ALK: variants seen among roughly 807,000 people sequenced by gnomAD.
ALK encodes the protein ALK tyrosine kinase receptor.
In ALK, 74 loss-of-function variants were observed where a neutral mutation model predicts 163.1. The observed-to-expected ratio is 0.45, with a 90% CI of 0.38 to 0.55. ALK has a LOEUF of 0.55. Ranked by LOEUF, ALK falls within the 20% of genes least tolerant of loss-of-function variation. The probability of loss-of-function intolerance (pLI) is 0.00; values close to 1 mark genes in which losing one functional copy is unlikely to be tolerated. For synonymous variants in ALK, 960 were observed against 843.2 expected, an observed-to-expected ratio of 1.14 and a Z score of -2.40; for missense variants, 2,063 against 2,105.3, an observed-to-expected ratio of 0.98 and a Z score of 0.39.
intron 3 of ALK, among the ~76,000 whole-genome samples, chr2:29,658,204 C>T (rs1231940398): frequency 1.3e-5 from 2 of 152,166 alleles, no homozygotes; most frequent in African/African-American, 4.8e-5. Flanking sequence ...CTTTGTGTAG[C>T]ACTCAAATGA....
At chr2:29,200,327 C>A (rs959330002) in intron 26 of ALK, among the ~76,000 whole-genome samples, 1 of 152,132 alleles carries the variant, frequency 6.6e-6, no homozygotes, top group Non-Finnish European at 1.5e-5. Flanking sequence ...TTTGAGAGCA[C>A]TAATAGAACT....
intron 8 of ALK, among the ~76,000 whole-genome samples, chr2:29,302,533 A>AG (rs1309302049): frequency 6.6e-6 from 1 of 152,202 alleles, no homozygotes; most frequent in Admixed American, 6.5e-5. Flanking sequence ...AGAAAAAAAA[A>AG]GAATTAACCT....
At chr2:29,823,275 T>C (rs1665101054) in intron 1 of ALK, among the ~76,000 whole-genome samples, 1 of 152,192 alleles carries the variant, frequency 6.6e-6, no homozygotes, top group African/African-American at 2.4e-5. Flanking sequence ...ATTTTGTGTA[T>C]TGCCCAGTCT....
intron 3 of ALK, among the ~76,000 whole-genome samples, chr2:29,571,397 C>T (rs1674364775): frequency 6.6e-6 from 1 of 152,080 alleles, no homozygotes; most frequent in Non-Finnish European, 1.5e-5. Context: ...GAAGTTTCCC[C>T]TGTGCTGTTC....
At chr2:29,595,305 T>C (rs79082276) in intron 3 of ALK, among the ~76,000 whole-genome samples, 84 of 151,456 alleles carry the variant, frequency 5.5e-4, no homozygotes, top group African/African-American at 1.7e-3. Context: ...CACTGAGATC[T>C]GCTGTCTTAC....
At chr2:29,348,055 T>C (rs1011956920) in intron 5 of ALK, among the ~76,000 whole-genome samples, 3 of 152,140 alleles carry the variant, frequency 2.0e-5, no homozygotes, top group African/African-American at 7.2e-5. Flanking sequence ...ACCTTTCCCA[T>C]CAACTTGATA....
chr2:29,684,982 G>T (rs1429892638), intron 3 of ALK, among the ~76,000 whole-genome samples: 1 of 152,206 alleles, frequency 6.6e-6, no homozygotes, highest in Non-Finnish European at 1.5e-5. Flanking sequence ...ACACTGCAAT[G>T]AATGAGAAAG....
intron 1 of ALK, among the ~76,000 whole-genome samples, chr2:29,817,806 G>C (rs1664937852): frequency 6.6e-6 from 1 of 152,238 alleles, no homozygotes; most frequent in African/African-American, 2.4e-5. Context: ...CCCTGATGCG[G>C]AAATGGAAGG....
Position 29,287,285 on chromosome 2 carries a change from A to T in ALK, c.1817+9603T>A, listed in dbSNP as rs114890712. ...CCACTAATATTTACAATAGTCAAAA[A>T]TGAGCTCATAATAAAATACATTTAG... On this transcript the variant is annotated intron_variant, in intron 9 of 28. Transcript: ENST00000389048. 7.5e-3 allele frequency among the ~76,000 whole-genome samples: 1,148 copies of T among 152,320 alleles called. 20 individuals carry two copies. The highest frequency in any genetic ancestry group is 0.026 in the African/African-American group (1,078 of 41,566).
At chr2:29,299,076 C>T (rs1299186061) in intron 8 of ALK, among the ~76,000 whole-genome samples, 1 of 152,198 alleles carries the variant, frequency 6.6e-6, no homozygotes, top group Non-Finnish European at 1.5e-5. Context: ...CCGCTAGTTA[C>T]TTGTTGCTCA....
At chr2:29,686,696 T>C (rs1230919697) in intron 3 of ALK, among the ~76,000 whole-genome samples, 5 of 152,044 alleles carry the variant, frequency 3.3e-5, no homozygotes, top group African/African-American at 1.2e-4. Flanking sequence ...ACCCATGAGG[T>C]TCAGTTAGGA....
rs760419450 is a variant in ALK, at chr2:29,275,243, C to A, written c.1913-16G>T. On this transcript the variant is annotated splice_polypyrimidine_tract_variant and intron_variant, in intron 10 of 28. Coordinates refer to ENST00000389048, the MANE Select transcript of ALK (RefSeq NM_004304.5). ...TCTCCGCTAACTGCAATAGAGAAGA[C>A]CCCACGGGCTGAGTTAGGTGAGGGT... is the stretch of plus-strand genomic sequence containing the variant. 1.2e-6 allele frequency: 2 copies of A among 1,613,966 alleles called. No individual in the cohort carries two copies. Among genetic ancestry groups the A allele is most frequent in the South Asian group, 2.2e-5 (2 of 91,068 alleles).
chr2:29,757,164 G>A (rs1028032605), intron 1 of ALK, among the ~76,000 whole-genome samples: 1 of 152,200 alleles, frequency 6.6e-6, no homozygotes, highest in Non-Finnish European at 1.5e-5. Context: ...GCAGTGTCCA[G>A]GAATGGCCAG....
intron 3 of ALK, among the ~76,000 whole-genome samples, chr2:29,648,793 T>C (rs776169944): frequency 6.6e-6 from 1 of 152,198 alleles, no homozygotes; most frequent in Non-Finnish European, 1.5e-5. Context: ...TTCTTTGTTT[T>C]ATTCTCTTAT....
At chr2:29,201,364 C>T (rs1669174486) in intron 26 of ALK, among the ~76,000 whole-genome samples, 1 of 152,172 alleles carries the variant, frequency 6.6e-6, no homozygotes, top group South Asian at 2.1e-4. Flanking sequence ...TTCATTCTTT[C>T]CCAACTCAGC....
At chr2:29,662,602 G>T (rs1031690613) in intron 3 of ALK, among the ~76,000 whole-genome samples, 1 of 152,112 alleles carries the variant, frequency 6.6e-6, no homozygotes, top group Non-Finnish European at 1.5e-5. Context: ...ATCATTAGGG[G>T]TGCTGGCTCC....
chr2:29,870,053 A>G (rs1666538472), intron 1 of ALK, among the ~76,000 whole-genome samples: 1 of 152,198 alleles, frequency 6.6e-6, no homozygotes, highest in South Asian at 2.1e-4. Context: ...GTAGTCTCAT[A>G]CATTGCTGGT....
chr2:29,782,579 A>G (rs1176806028), intron 1 of ALK, among the ~76,000 whole-genome samples: 3 of 152,142 alleles, frequency 2.0e-5, no homozygotes, highest in Non-Finnish European at 2.9e-5. Context: ...ACAGTTATGT[A>G]CCTGTTGCCT....
chr2:29,678,903 G>C (rs1677976069), intron 3 of ALK, among the ~76,000 whole-genome samples: 5 of 151,736 alleles, frequency 3.3e-5, no homozygotes, highest in Admixed American at 3.3e-4. Context: ...GGTTGAGTTA[G>C]TTGATGTTAT....
Sources: gnomAD v4.1 joint callset for allele counts (sites outside exome capture counted in the v4.1 genomes callset) on GRCh38, gnomAD v4.1.1 for gene constraint, MANE v1.5 for transcripts, NCBI Gene and HGNC (gene_info 2026-07-23, HGNC 2026-07-21) for gene names.